LGMN: variants seen among roughly 807,000 people sequenced by gnomAD.
LGMN encodes legumain.
LGMN carries 36 observed loss-of-function variants against 56.8 expected under a neutral mutation model. The observed-to-expected ratio is 0.63, with a 90% CI of 0.49 to 0.84. LGMN has a LOEUF of 0.84. Ranked by LOEUF, LGMN falls within the 40% of genes least tolerant of loss-of-function variation. LGMN has a pLI of 0.00. For synonymous variants in LGMN, 199 were observed against 210.1 expected (o/e 0.95, Z 0.46); for missense variants, 446 against 556.1 (o/e 0.80, Z 1.99).
intron 2 of LGMN, among the ~76,000 whole-genome samples, chr14:92,730,732 G>T (rs540843898): frequency 6.6e-6 from 1 of 152,038 alleles, no homozygotes; most frequent in East Asian, 1.9e-4. Flanking sequence ...ATCACCTGAG[G>T]TCAGGAGTTA....
In LGMN at chr14:92,714,571, T is replaced by C. The variant is rs1342212530; in HGVS notation, c.405-120A>G. The C allele has an allele frequency of 1.4e-6, 1 of 697,404 alleles. No homozygotes were observed. Among genetic ancestry groups the C allele is most frequent in the African/African-American group, 1.8e-5 (1 of 55,686 alleles). 43.2% of individuals were successfully genotyped at this position (697,404 alleles called of 1,614,324 possible). A position where few individuals can be genotyped will look rare whatever the true frequency, so the allele number is the denominator to read the frequency against. ...GGGGAGTAGAGTTGCCCAACCAGGT[T>C]TGAAGATGAACACAAGGGCCCGGTG... On this transcript the variant is annotated intron_variant, in intron 5 of 13. Transcript: ENST00000334869. This position sits in a 1 kb window ranked among gnomAD's most constrained non-coding sequence, Gnocchi z 5.1.
At chr14:92,713,336 T>C (rs1423790063) in intron 7 of LGMN, among the ~76,000 whole-genome samples, 1 of 152,034 alleles carries the variant, frequency 6.6e-6, no homozygotes, top group East Asian at 1.9e-4. Flanking sequence ...CGCCTCAGCC[T>C]CCTAAAGTGC....
intron 2 of LGMN, among the ~76,000 whole-genome samples, chr14:92,723,700 C>G (rs956989965): frequency 3.3e-5 from 5 of 152,128 alleles, no homozygotes; most frequent in Non-Finnish European, 7.4e-5. Context: ...TAGCAGTTGC[C>G]TGAGGCTAGA....
intron 12 of LGMN, 91 bp from the exon 13 acceptor site, chr14:92,704,798 C>T: frequency 1.0e-6 from 1 of 998,476 alleles, no homozygotes; most frequent in African/African-American, 1.6e-5. Flanking sequence ...AGCATCTTGA[C>T]CAGTGGCTCT....
chr14:92,724,543 C>T (rs1890651503), intron 2 of LGMN, among the ~76,000 whole-genome samples: 2 of 152,366 alleles, frequency 1.3e-5, no homozygotes, highest in South Asian at 4.1e-4. Flanking sequence ...TGTATTACTT[C>T]CCCTAAATCC....
At chr14:92,707,749 C>T (rs926680232) in intron 11 of LGMN, among the ~76,000 whole-genome samples, 15 of 152,108 alleles carry the variant, frequency 9.9e-5, no homozygotes, top group African/African-American at 3.6e-4. Flanking sequence ...TTTTACTTTA[C>T]ATAAAAGTAT....
At chr14:92,706,800 C>T (rs890414105) in intron 11 of LGMN, 147 bp from the exon 12 acceptor site, 61 of 656,774 alleles carry the variant, frequency 9.3e-5, no homozygotes, top group Non-Finnish European at 1.1e-4. Context: ...CAATGTGCTC[C>T]GAGAAAGGCG....
At chr14:92,720,462 G>A (rs1001960125) in intron 2 of LGMN, among the ~76,000 whole-genome samples, 15 of 152,224 alleles carry the variant, frequency 9.9e-5, no homozygotes, top group African/African-American at 3.6e-4. Flanking sequence ...GAGGTCTGGA[G>A]TTCGAGACCA....
Position 92,718,785 on chromosome 14 carries a change from G to T in LGMN, c.198C>A (p.Ile66=). ...CAATGTCATCGTACATCATCACAAC[G>T]ATCTGTTCGTCAGGAATCCCATTGC... ...IHRNGIPDEQ[I]VVMMYDDIAY... The change falls in exon 3 of 14, where the codon ATC becomes ATA. Residue 66 remains isoleucine (I), a synonymous_variant. Transcript: ENST00000334869. 6.2e-7 allele frequency: 1 copy of T among 1,612,940 alleles called. No homozygotes were observed. The highest frequency in any genetic ancestry group is 8.5e-7 in the Non-Finnish European group (1 of 1,179,280).
chr14:92,704,517 G>A lies in LGMN; in HGVS notation c.1259+123C>T, dbSNP rs1335995360. ...TTCTGGACCCTGCTGACAAATGGCT[G>A]TAGAGGAAAGCTGGAGGGAGCTCCT... is the stretch of plus-strand genomic sequence containing the variant. On this transcript the variant is annotated intron_variant, in intron 13 of 13. Transcript: ENST00000334869. 1.1e-5 allele frequency: 12 copies of A among 1,074,822 alleles called. No homozygotes were observed. The East Asian group carries it at 2.1e-4, about 19-fold the overall frequency. 66.6% of individuals were successfully genotyped at this position (1,074,822 alleles called of 1,614,324 possible).
intron 2 of LGMN, among the ~76,000 whole-genome samples, chr14:92,726,574 C>T (rs1319467866): frequency 6.6e-6 from 1 of 152,152 alleles, no homozygotes; most frequent in African/African-American, 2.4e-5. Flanking sequence ...GGTGACATGG[C>T]GCCTGTCCAA....
intron 3 of LGMN, 139 bp downstream of exon 3, chr14:92,718,608 A>G: frequency 2.1e-6 from 1 of 482,886 alleles, no homozygotes; most frequent in African/African-American, 1.9e-5. Context: ...GCTCAACATG[A>G]GGTATCCCTG....
At chr14:92,720,731 T>A (rs1221864819) in intron 2 of LGMN, among the ~76,000 whole-genome samples, 2 of 152,092 alleles carry the variant, frequency 1.3e-5, no homozygotes, top group African/African-American at 4.8e-5. Context: ...GATGTCCACA[T>A]CCTAATCCCT....
chr14:92,711,722 G>A lies in LGMN; in HGVS notation c.756C>T (p.His252=), dbSNP rs1191286090. 3 of 1,614,224 alleles carry A rather than the reference G, an allele frequency of 1.9e-6. No homozygotes were observed. The highest frequency in any genetic ancestry group is 1.6e-4 in the Middle Eastern group (1 of 6,062). The part of the protein sequence containing the change: ...DVEDLTKETL[H]KQYHLVKSHT... ...GCGATTTTACCAGGTGGTACTGCTT[G>A]TGCAGGGTCTCTTTAGTCAGATCTT... Residue 252 remains histidine, a synonymous_variant, in exon 10 of 14, where the codon CAC becomes CAT. Transcript: ENST00000334869.
chr14:92,711,459 C>T (rs1292310380), intron 10 of LGMN, among the ~76,000 whole-genome samples, 200 bp downstream of exon 10: 2 of 152,226 alleles, frequency 1.3e-5, no homozygotes, highest in East Asian at 1.9e-4. Flanking sequence ...AGTCTCACAA[C>T]TCTGCAAGTT....
chr14:92,720,287 T>C (rs1372552629), intron 2 of LGMN, among the ~76,000 whole-genome samples: 1 of 152,220 alleles, frequency 6.6e-6, no homozygotes, highest in Non-Finnish European at 1.5e-5. Context: ...ATAAAGGTAA[T>C]GATCCCCATT....
intron 1 of LGMN, among the ~76,000 whole-genome samples, chr14:92,739,990 C>A (rs1891476375): frequency 6.6e-6 from 1 of 152,156 alleles, no homozygotes; most frequent in Non-Finnish European, 1.5e-5. Context: ...GTGGCTCACG[C>A]CTGTAATCCC....
At chr14:92,743,807 A>G (rs1356967870) in intron 1 of LGMN, among the ~76,000 whole-genome samples, 1 of 151,630 alleles carries the variant, frequency 6.6e-6, no homozygotes. Flanking sequence ...GTCTCAAAAA[A>G]AAAAAAAAAA....
chr14:92,739,585 C>T (rs776826189), intron 1 of LGMN, among the ~76,000 whole-genome samples: 3 of 152,104 alleles, frequency 2.0e-5, no homozygotes, highest in Non-Finnish European at 4.4e-5. Flanking sequence ...AAGAGACAGA[C>T]CATTTAAAAA....
Sources: allele counts gnomAD v4.1 joint callset (sites outside exome capture counted in the v4.1 genomes callset), GRCh38; gene constraint gnomAD v4.1.1; non-coding constraint Gnocchi (gnomAD v3.1); transcripts MANE v1.5; gene names NCBI Gene and HGNC (gene_info 2026-07-23, HGNC 2026-07-21).